CYP2C18: variants seen among roughly 807,000 people sequenced by gnomAD.
CYP2C18 encodes cytochrome P450 family 2 subfamily C member 18, also known as cytochrome P450 2C18.
A neutral mutation model predicts 41.3 loss-of-function variants in CYP2C18; 38 were observed. That is an observed-to-expected ratio of 0.92 (90% confidence interval 0.71 to 1.21). CYP2C18 has a LOEUF of 1.21. CYP2C18 is among the 50% of genes most tolerant of loss of function. CYP2C18 has a pLI of 0.00. For synonymous variants in CYP2C18, 236 were observed against 210.0 expected (o/e 1.12, Z -1.07); for missense variants, 635 against 591.4 (o/e 1.07, Z -0.77).
At chr10:94,700,504 C>G (rs944926642) in intron 4 of CYP2C18, among the ~76,000 whole-genome samples, 1 of 152,146 alleles carries the variant, frequency 6.6e-6, no homozygotes, top group Non-Finnish European at 1.5e-5. Context: ...AATGTTAGAC[C>G]TAAAACCATA....
rs377706437 is a variant in CYP2C18, at chr10:94,707,471, G to A, written c.819+511G>A. 9.1e-4 allele frequency among the ~76,000 whole-genome samples: 139 copies of A among 152,270 alleles called. 1 individual carries two copies. Among genetic ancestry groups the A allele is most frequent in the African/African-American group, 3.2e-3 (135 of 41,572 alleles). On this transcript the variant is annotated intron_variant, in intron 5 of 8. Coordinates refer to ENST00000285979, the MANE Select transcript of CYP2C18 (RefSeq NM_000772.3). ...AGGCCTTAACTGAATGGAACCAAAA[G>A]TAAATCCGGACAAATATGGAATTGG...
chr10:94,693,538 A>G (rs1847054411), intron 3 of CYP2C18, among the ~76,000 whole-genome samples: 1 of 152,224 alleles, frequency 6.6e-6, no homozygotes. Flanking sequence ...ACCAGAAACC[A>G]GATTTTCACT....
intron 4 of CYP2C18, among the ~76,000 whole-genome samples, chr10:94,700,270 C>G (rs1381036836): frequency 6.6e-6 from 1 of 152,066 alleles, no homozygotes; most frequent in East Asian, 1.9e-4. Context: ...GTACTGCTAC[C>G]AAAACAGAGA....
chr10:94,694,097 A>G (rs1393792426), intron 3 of CYP2C18, among the ~76,000 whole-genome samples: 3 of 152,230 alleles, frequency 2.0e-5, no homozygotes, highest in Non-Finnish European at 4.4e-5. Context: ...ATAGAACAAT[A>G]ACCGAGGATT....
intron 4 of CYP2C18, 134 bp from the exon 5 acceptor site, chr10:94,706,650 C>T (rs143514893): frequency 4.0e-4 from 222 of 559,392 alleles, no homozygotes; most frequent in African/African-American, 2.4e-3. Flanking sequence ...CTACTTTGTA[C>T]GTATAATCAA....
At chr10:94,713,713 G>T (rs1441402472) in intron 5 of CYP2C18, among the ~76,000 whole-genome samples, 3 of 152,162 alleles carry the variant, frequency 2.0e-5, no homozygotes, top group African/African-American at 7.2e-5. Context: ...GGATGGCTGG[G>T]TCCAATGATA....
At position 94,735,477 on chromosome 10, in the gene CYP2C18, G is replaced by T. The variant is rs1400015223; in HGVS notation, c.*33G>T. On this transcript the variant is annotated 3_prime_UTR_variant, in exon 9 of 9. Transcript: ENST00000285979. ...CAGATAGTTTGGCTGCTCCTGTGCT[G>T]TCACCTGCAATTCTCCCTTATCAGG... The T allele has an allele frequency of 6.2e-7, 1 of 1,606,830 alleles. No individual in the cohort carries two copies. Among genetic ancestry groups the T allele is most frequent in the East Asian group, 2.2e-5 (1 of 44,792 alleles).
Position 94,683,778 on chromosome 10 carries a change from A to C in CYP2C18, c.-42A>C, listed in dbSNP as rs1846829060. ...GTAGGGAGTGTTATAAAAGCCTTGA[A>C]GTGAAAGCCCGCAGTTGTCTTACTA... is the stretch of plus-strand genomic sequence containing the variant. On this transcript the variant is annotated 5_prime_UTR_variant, in exon 1 of 9. Transcript: ENST00000285979. 2 of 1,508,524 alleles carry C rather than the reference A, an allele frequency of 1.3e-6. No homozygotes were observed. The highest frequency in any genetic ancestry group is 1.8e-6 in the Non-Finnish European group (2 of 1,122,884). The allele number at this position is 1,508,524 out of a possible 1,614,324, so 93.4% of individuals were successfully genotyped here. A position where few individuals can be genotyped will look rare whatever the true frequency, so the allele number is the denominator to read the frequency against.
rs1040434018 is a variant in CYP2C18, at chr10:94,735,633, T to C, written c.*189T>C. 2.1e-5 allele frequency: 13 copies of C among 609,730 alleles called. No homozygotes were observed. Among genetic ancestry groups the C allele is most frequent in the Middle Eastern group, 4.4e-4 (1 of 2,282 alleles). 37.8% of individuals were successfully genotyped at this position (609,730 alleles called of 1,614,324 possible). A position where few individuals can be genotyped will look rare whatever the true frequency, so the allele number is the denominator to read the frequency against. ...AGAGTTTCTTGGGTCACTTCCTAAA[T>C]ATATCTGCTATTCTCCATACTCTGT... On this transcript the variant is annotated 3_prime_UTR_variant, in exon 9 of 9. Transcript: ENST00000285979.
intron 5 of CYP2C18, among the ~76,000 whole-genome samples, chr10:94,717,772 G>A (rs1021169154): frequency 6.6e-6 from 1 of 151,912 alleles, no homozygotes; most frequent in African/African-American, 2.4e-5. Context: ...TAGTTGCATG[G>A]GTTCTTTTCC....
Position 94,735,699 on chromosome 10 carries a change from C to T in CYP2C18, c.*255C>T. On this transcript the variant is annotated 3_prime_UTR_variant, in exon 9 of 9. Coordinates refer to ENST00000285979, the MANE Select transcript of CYP2C18 (RefSeq NM_000772.3). ...CACCACATATGCTAATACCTATCTA[C>T]TGCTGAGTTGTCAGTATGTTATCAC... is the stretch of plus-strand genomic sequence containing the variant. 2.1e-6 allele frequency: 1 copy of T among 465,632 alleles called. No individual in the cohort carries two copies. Among genetic ancestry groups the T allele is most frequent in the Non-Finnish European group, 3.8e-6 (1 of 260,614 alleles). The allele number at this position is 465,632 out of a possible 1,614,324, so 28.8% of individuals were successfully genotyped here.
chr10:94,698,611 G>A (rs1030082936), intron 4 of CYP2C18, among the ~76,000 whole-genome samples: 1 of 152,044 alleles, frequency 6.6e-6, no homozygotes, highest in African/African-American at 2.4e-5. Context: ...GCTAGCAGAA[G>A]GCAAGAAATA....
chr10:94,708,854 C>T (rs1847386303), intron 5 of CYP2C18, among the ~76,000 whole-genome samples: 1 of 152,180 alleles, frequency 6.6e-6, no homozygotes, highest in Non-Finnish European at 1.5e-5. Context: ...TGTCTGACTT[C>T]TGTCACTTAG....
intron 8 of CYP2C18, 36 bp from the exon 9 acceptor site, chr10:94,735,227 T>C (rs1247529891): frequency 6.2e-7 from 1 of 1,601,370 alleles, no homozygotes; most frequent in South Asian, 1.1e-5. Flanking sequence ...TGACCTAATG[T>C]TCAAGGAACA....
chr10:94,728,768 G>C (rs1434652376), intron 7 of CYP2C18: 5 of 178,980 alleles, frequency 2.8e-5, no homozygotes, highest in Non-Finnish European at 3.2e-5. Context: ...AGTTTTATTG[G>C]AGATAGAACC....
intron 4 of CYP2C18, among the ~76,000 whole-genome samples, chr10:94,695,968 TAAAC>T (rs1475232042): frequency 6.6e-6 from 1 of 151,908 alleles, no homozygotes; most frequent in Admixed American, 6.6e-5. Flanking sequence ...CTTGAGTAGG[TAAAC>T]AAAGTGGCCG....
chr10:94,721,652 C>G (rs1004437092), intron 6 of CYP2C18, among the ~76,000 whole-genome samples: 7 of 152,088 alleles, frequency 4.6e-5, no homozygotes, highest in African/African-American at 1.4e-4. Flanking sequence ...TATTATTCCA[C>G]TCTGTATGTC....
chr10:94,702,899 C>G (rs772501606), intron 4 of CYP2C18, among the ~76,000 whole-genome samples: 2 of 152,056 alleles, frequency 1.3e-5, no homozygotes, highest in Admixed American at 6.6e-5. Flanking sequence ...CTGTTGGTGA[C>G]CTTCGGATGG....
chr10:94,736,013 C>G lies in CYP2C18; in HGVS notation c.*569C>G, dbSNP rs1847913948. On this transcript the variant is annotated 3_prime_UTR_variant, in exon 9 of 9. Transcript: ENST00000285979. ...TGGAAAAAAAAACTATGTCCAGGAG[C>G]AGCTGTAACCTGTAGGGAAATACTG... 6.6e-6 allele frequency: 1 copy of G among 152,506 alleles called. No individual in the cohort carries two copies. The allele number at this position is 152,506 out of a possible 1,614,324, so 9.4% of individuals were successfully genotyped here.
Sources: allele counts gnomAD v4.1 joint callset (sites outside exome capture counted in the v4.1 genomes callset), GRCh38; gene constraint gnomAD v4.1.1; transcripts MANE v1.5; gene names NCBI Gene and HGNC (gene_info 2026-07-23, HGNC 2026-07-21).